FRMPD4: variants seen among roughly 807,000 people sequenced by gnomAD.
FRMPD4 encodes FERM and PDZ domain containing 4, also known as FERM and PDZ domain-containing protein 4.
Under a neutral mutation model 94.1 loss-of-function variants are expected in FRMPD4, and 22 were observed. That is an observed-to-expected ratio of 0.23 (90% confidence interval 0.17 to 0.33). FRMPD4 has a LOEUF of 0.33. Ranked by LOEUF, FRMPD4 falls within the 10% of genes least tolerant of loss-of-function variation. The probability of loss-of-function intolerance (pLI) is 1.00; values close to 1 mark genes in which losing one functional copy is unlikely to be tolerated. For synonymous variants in FRMPD4, 631 were observed against 548.6 expected (o/e 1.15, Z -2.10); for missense variants, 1,111 against 1,339.9 (o/e 0.83, Z 2.67).
chrX:12,436,591 CCACT>C (rs1313102585), intron 1 of FRMPD4, among the ~76,000 whole-genome samples: 1 of 110,608 alleles, frequency 9.0e-6, no homozygotes, highest in Non-Finnish European at 1.9e-5. Flanking sequence ...TAAATTCATC[CCACT>C]AACTTTGATA....
chrX:12,686,579 A>AAGCTGTT (rs1201564866), intron 7 of FRMPD4, among the ~76,000 whole-genome samples: 1 of 112,398 alleles, frequency 8.9e-6, no homozygotes, highest in East Asian at 2.8e-4. Flanking sequence ...TCAGAAGATT[A>AAGCTGTT]AGCTGTTAGC....
At chrX:12,299,890 A>C (rs5978511) in intron 1 of FRMPD4, among the ~76,000 whole-genome samples, 1 of 112,122 alleles carries the variant, frequency 8.9e-6, no homozygotes, top group African/African-American at 3.2e-5. Flanking sequence ...CTCTCCAACA[A>C]AAGCAAAAGA....
chrX:11,848,125 C>T (rs187846460), intron 1 of FRMPD4, among the ~76,000 whole-genome samples: 57 of 110,457 alleles, frequency 5.2e-4, no homozygotes, highest in Admixed American at 8.7e-4. Flanking sequence ...TTTTGGAATA[C>T]TGTACATTTT....
chrX:11,959,549 C>T (rs1473558012), intron 3 of FRMPD4, among the ~76,000 whole-genome samples: 1 of 111,953 alleles, frequency 8.9e-6, no homozygotes, highest in Non-Finnish European at 1.9e-5. Context: ...ATAGATTGGC[C>T]AGAACCATTC....
At chrX:12,555,635 A>G (rs2058587896) in intron 2 of FRMPD4, among the ~76,000 whole-genome samples, 1 of 111,513 alleles carries the variant, frequency 9.0e-6, no homozygotes, top group Non-Finnish European at 1.9e-5. Flanking sequence ...AGACATCGCC[A>G]TATATTAACT....
intron 1 of FRMPD4, among the ~76,000 whole-genome samples, chrX:12,212,936 A>G (rs983988508): frequency 9.0e-6 from 1 of 111,312 alleles, no homozygotes; most frequent in African/African-American, 3.3e-5. Flanking sequence ...GTTTGTGGGT[A>G]AGAACAAAGG....
At chrX:12,393,242 T>C (rs992514388) in intron 1 of FRMPD4, among the ~76,000 whole-genome samples, 4 of 112,391 alleles carry the variant, frequency 3.6e-5, no homozygotes, top group African/African-American at 1.3e-4. Context: ...TTTAACTGGG[T>C]GTTCTATATT....
At chrX:11,952,061 T>G (rs2054227512) in intron 3 of FRMPD4, among the ~76,000 whole-genome samples, 1 of 112,334 alleles carries the variant, frequency 8.9e-6, no homozygotes. Flanking sequence ...CATACGTACA[T>G]GCATACATAC....
At chrX:12,540,190 A>G in intron 2 of FRMPD4, among the ~76,000 whole-genome samples, 1 of 112,027 alleles carries the variant, frequency 8.9e-6, no homozygotes, top group Non-Finnish European at 1.9e-5. Context: ...ACTAACGAGC[A>G]AAATAACCAG....
At chrX:11,956,085 T>A (rs1362304257) in intron 3 of FRMPD4, among the ~76,000 whole-genome samples, 4 of 112,126 alleles carry the variant, frequency 3.6e-5, no homozygotes, top group Non-Finnish European at 7.5e-5. Context: ...TTTAGGCTCA[T>A]CTTTGCCAAG....
intron 3 of FRMPD4, among the ~76,000 whole-genome samples, chrX:11,992,788 T>C (rs766759712): frequency 8.1e-5 from 9 of 110,532 alleles, no homozygotes; most frequent in Non-Finnish European, 1.3e-4. Flanking sequence ...GGTGGCCTCT[T>C]TGTGGCCTCA....
chrX:12,599,801 A>G (rs1465043495), intron 2 of FRMPD4, among the ~76,000 whole-genome samples: 1 of 111,341 alleles, frequency 9.0e-6, no homozygotes, highest in Non-Finnish European at 1.9e-5. Flanking sequence ...TTGCTTTTGT[A>G]GTCCTGTCAC....
chrX:12,438,545 T>A (rs775293587), intron 1 of FRMPD4, among the ~76,000 whole-genome samples: 3 of 111,111 alleles, frequency 2.7e-5, no homozygotes, highest in Non-Finnish European at 5.7e-5. Flanking sequence ...GTATTAGTAT[T>A]CTTATTTTAG....
At chrX:12,162,258 A>C (rs1025438703) in intron 1 of FRMPD4, among the ~76,000 whole-genome samples, 7 of 112,300 alleles carry the variant, frequency 6.2e-5, no homozygotes, top group Admixed American at 9.4e-5. Flanking sequence ...CATATTTAAC[A>C]ATGTTTTCCA....
intron 1 of FRMPD4, among the ~76,000 whole-genome samples, chrX:12,407,712 T>C (rs2056683180): frequency 8.9e-6 from 1 of 112,017 alleles, no homozygotes; most frequent in Non-Finnish European, 1.9e-5. Context: ...TTGCAAATCA[T>C]GTAAGCCGTC....
intron 1 of FRMPD4, among the ~76,000 whole-genome samples, chrX:12,423,779 T>G (rs1248721568): frequency 8.9e-6 from 1 of 112,323 alleles, no homozygotes; most frequent in Non-Finnish European, 1.9e-5. Flanking sequence ...TTACTCATTT[T>G]GAAATTAGAT....
chrX:12,537,755 T>C (rs192782582), intron 2 of FRMPD4, among the ~76,000 whole-genome samples: 1 of 110,254 alleles, frequency 9.1e-6, no homozygotes, highest in East Asian at 2.8e-4. Context: ...CTGGCCTATA[T>C]AGTTTTTCTA....
intron 2 of FRMPD4, among the ~76,000 whole-genome samples, chrX:12,573,437 G>C (rs952498533): frequency 1.8e-5 from 2 of 112,512 alleles, no homozygotes; most frequent in African/African-American, 6.5e-5. Context: ...TTAGAGTGAA[G>C]TGGGTAGACC....
intron 1 of FRMPD4, among the ~76,000 whole-genome samples, chrX:12,393,367 T>A (rs952050323): frequency 1.8e-5 from 2 of 112,476 alleles, no homozygotes; most frequent in African/African-American, 6.5e-5. Context: ...ATCTTTTGTC[T>A]TTTATTTCTA....
Sources: gnomAD v4.1 joint callset for allele counts (sites outside exome capture counted in the v4.1 genomes callset) on GRCh38, gnomAD v4.1.1 for gene constraint, MANE v1.5 for transcripts, NCBI Gene and HGNC (gene_info 2026-07-23, HGNC 2026-07-21) for gene names.